JARID2: variants seen among roughly 807,000 people sequenced by gnomAD.
The protein encoded by JARID2 is jumonji and AT-rich interaction domain containing 2, also known as protein Jumonji.
A neutral mutation model predicts 125.6 loss-of-function variants in JARID2; 21 were observed. The ratio of observed to expected loss-of-function variants is 0.17; its 90% CI spans 0.12 to 0.24. JARID2 has a LOEUF of 0.24. Among genes scored for constraint, JARID2 ranks in the 10% least tolerant of loss-of-function variants. JARID2 has a pLI of 1.00. For synonymous variants in JARID2, 736 were observed against 661.6 expected, an observed-to-expected ratio of 1.11 and a Z score of -1.73; for missense variants, 1,303 against 1,639.6, an observed-to-expected ratio of 0.79 and a Z score of 3.55.
chr6:15,492,055 G>T (rs1474523457), intron 6 of JARID2, among the ~76,000 whole-genome samples: 1 of 152,178 alleles, frequency 6.6e-6, no homozygotes, highest in African/African-American at 2.4e-5. Context: ...TGACTAGGAG[G>T]GATTGCTTTA....
chr6:15,319,014 A>G (rs913019903), intron 1 of JARID2, among the ~76,000 whole-genome samples: 11 of 152,328 alleles, frequency 7.2e-5, no homozygotes, highest in African/African-American at 2.4e-4. Context: ...CTAGACATTC[A>G]GTCCAATCAG....
chr6:15,462,568 G>A (rs1326623372), intron 4 of JARID2, among the ~76,000 whole-genome samples: 1 of 152,196 alleles, frequency 6.6e-6, no homozygotes, highest in Non-Finnish European at 1.5e-5. Context: ...TTGAAGTTTT[G>A]TTTCTTAATT....
intron 1 of JARID2, among the ~76,000 whole-genome samples, chr6:15,318,995 G>T (rs1202899004): frequency 6.6e-6 from 1 of 152,184 alleles, no homozygotes; most frequent in African/African-American, 2.4e-5. Context: ...AAGGACATAA[G>T]GAAGCAGCCT....
At chr6:15,390,628 G>A (rs547733063) in intron 2 of JARID2, among the ~76,000 whole-genome samples, 12 of 152,330 alleles carry the variant, frequency 7.9e-5, no homozygotes, top group African/African-American at 2.9e-4. Context: ...TGTTGACAGA[G>A]CTCAGGTCAT....
intron 1 of JARID2, among the ~76,000 whole-genome samples, chr6:15,341,207 A>T (rs1763059732): frequency 6.6e-6 from 1 of 152,222 alleles, no homozygotes; most frequent in Non-Finnish European, 1.5e-5. Context: ...TTCATGCAGA[A>T]ATAATGCCTG....
chr6:15,293,191 C>T (rs892032482), intron 1 of JARID2, among the ~76,000 whole-genome samples: 19 of 152,126 alleles, frequency 1.2e-4, no homozygotes, highest in African/African-American at 3.6e-4. Flanking sequence ...TAGTCAGGAC[C>T]TCTACTTCCA....
intron 5 of JARID2, among the ~76,000 whole-genome samples, chr6:15,473,801 A>T (rs1769209954): frequency 6.6e-6 from 1 of 152,166 alleles, no homozygotes; most frequent in South Asian, 2.1e-4. Context: ...CTTGGAAGCC[A>T]AAGAGTAACA....
chr6:15,419,713 G>C (rs1355756734), intron 3 of JARID2, among the ~76,000 whole-genome samples: 1 of 152,154 alleles, frequency 6.6e-6, no homozygotes, highest in Non-Finnish European at 1.5e-5. Context: ...CTGCCCCACT[G>C]TCCCGATGTG....
At chr6:15,378,268 G>A (rs1028277362) in intron 2 of JARID2, among the ~76,000 whole-genome samples, 3 of 150,774 alleles carry the variant, frequency 2.0e-5, no homozygotes, top group Non-Finnish European at 4.4e-5. Flanking sequence ...GTTTCCACTG[G>A]TTCATTAATT....
Position 15,248,353 on chromosome 6 carries a change from TGCAGGCGG to T in JARID2, c.45+1775_45+1782del, listed in dbSNP as rs1759270959. On this transcript the variant is annotated intron_variant, in intron 1 of 17. Transcript: ENST00000341776. ...GGGCACCGGTCTACCCGGGCCGGCT[TGCAGGCGG>T]GCAGGAGGGCGGGTGGGGCGCGGGG... 2.2e-5 allele frequency among the ~76,000 whole-genome samples: 3 copies of T among 134,798 alleles called. No homozygotes were observed. In the East Asian group the frequency reaches 6.7e-4, roughly 30 times the overall value. 88.4% of individuals were successfully genotyped at this position (134,798 alleles called of 152,430 possible).
At chr6:15,520,018 G>C in intron 17 of JARID2, 51 bp from the exon 18 acceptor site, 2 of 1,513,444 alleles carry the variant, frequency 1.3e-6, no homozygotes, top group South Asian at 1.3e-5. Flanking sequence ...CAGGGACAGA[G>C]CTCTTGTTAA....
At chr6:15,248,029 C>T (rs1467751135) in intron 1 of JARID2, 5 of 985,284 alleles carry the variant, frequency 5.1e-6, no homozygotes, top group Admixed American at 6.2e-5. Flanking sequence ...CCTCCCATTC[C>T]GGACCTCGTT....
intron 3 of JARID2, among the ~76,000 whole-genome samples, chr6:15,430,447 T>G (rs576683715): frequency 3.1e-4 from 47 of 152,338 alleles, no homozygotes; most frequent in Non-Finnish European, 6.0e-4. Flanking sequence ...TCCTGCTGTT[T>G]ATATGTGGTT....
chr6:15,468,288 CAA>C (rs575355697), intron 4 of JARID2, among the ~76,000 whole-genome samples: 2,077 of 147,914 alleles, frequency 0.014, 19 homozygotes, highest in Non-Finnish European at 0.024. Context: ...TTTTTTTTCT[CAA>C]GAGATATTCA....
At chr6:15,396,019 C>CT (rs1216008141) in intron 2 of JARID2, among the ~76,000 whole-genome samples, 2 of 152,228 alleles carry the variant, frequency 1.3e-5, no homozygotes, top group South Asian at 4.2e-4. Flanking sequence ...AGGTAAACAG[C>CT]TTTTTTGTGA....
In JARID2 at chr6:15,512,410, TCCCGCTTGCTGCC is replaced by T. The variant is rs763622024; in HGVS notation, c.3135+26_3135+38del. On this transcript the variant is annotated intron_variant, in intron 14 of 17. Coordinates refer to ENST00000341776, the MANE Select transcript of JARID2 (RefSeq NM_004973.4). Reference sequence around the variant, plus strand: ...GCCAAGGTGAGCAGAGCCGGCCTCCTCCCGCTTGCTGCCCCCGCATCCCTGTGAGTGCCGTGCG... The same window carrying T: ...GCCAAGGTGAGCAGAGCCGGCCTCCTCCCGCATCCCTGTGAGTGCCGTGCG... 5 of 1,609,522 alleles carry T rather than the reference TCCCGCTTGCTGCC, an allele frequency of 3.1e-6. No homozygotes were observed. The highest frequency in any genetic ancestry group is 2.2e-5 in the South Asian group (2 of 91,000).
At chr6:15,427,425 C>T (rs563501870) in intron 3 of JARID2, among the ~76,000 whole-genome samples, 3 of 152,128 alleles carry the variant, frequency 2.0e-5, no homozygotes, top group South Asian at 4.2e-4. Context: ...TTTATTACTG[C>T]AGTGGCCATT....
chr6:15,295,928 G>A (rs943383534), intron 1 of JARID2, among the ~76,000 whole-genome samples: 6 of 152,098 alleles, frequency 3.9e-5, no homozygotes, highest in Non-Finnish European at 8.8e-5. Flanking sequence ...CCCAATGTGC[G>A]GGGATTACAG....
intron 1 of JARID2, among the ~76,000 whole-genome samples, chr6:15,314,280 G>T (rs1382804552): frequency 6.6e-6 from 1 of 151,960 alleles, no homozygotes; most frequent in Non-Finnish European, 1.5e-5. Flanking sequence ...CAAATACTTT[G>T]TTATTTATGT....
Sources: allele counts gnomAD v4.1 joint callset (sites outside exome capture counted in the v4.1 genomes callset), GRCh38; gene constraint gnomAD v4.1.1; transcripts MANE v1.5; gene names NCBI Gene and HGNC (gene_info 2026-07-23, HGNC 2026-07-21).